PDE4D: variants seen among roughly 807,000 people sequenced by gnomAD.
The protein encoded by PDE4D is 3',5'-cyclic-AMP phosphodiesterase 4D.
A neutral mutation model predicts 87.4 loss-of-function variants in PDE4D; 24 were observed. The observed-to-expected ratio is 0.27, with a 90% CI of 0.20 to 0.39. PDE4D has a LOEUF of 0.39. PDE4D is among the 10% of genes least tolerant of loss of function. PDE4D has a pLI of 1.00. For missense variants in PDE4D, 714 were observed against 1,041.0 expected, an observed-to-expected ratio of 0.69 and a Z score of 4.32; for synonymous variants, 384 against 383.2, an observed-to-expected ratio of 1.00 and a Z score of -0.02.
chr5:59,907,397 A>G (rs1344190953), intron 3 of PDE4D, among the ~76,000 whole-genome samples: 2 of 152,152 alleles, frequency 1.3e-5, no homozygotes, highest in Non-Finnish European at 2.9e-5. Context: ...CGTGGACACA[A>G]AGAAAGAAAC....
At chr5:59,680,022 C>T (rs1177858350) in intron 1 of PDE4D, among the ~76,000 whole-genome samples, 5 of 152,076 alleles carry the variant, frequency 3.3e-5, no homozygotes, top group African/African-American at 4.8e-5. Flanking sequence ...TACACTTTTA[C>T]ATTTGTGTTT....
At chr5:59,596,602 A>C (rs1826718266) in intron 1 of PDE4D, among the ~76,000 whole-genome samples, 1 of 151,972 alleles carries the variant, frequency 6.6e-6, no homozygotes, top group Non-Finnish European at 1.5e-5. Context: ...CTTGACATTG[A>C]CTTTGTTAAG....
At chr5:60,456,679 A>G (rs1329769390) in intron 1 of PDE4D, among the ~76,000 whole-genome samples, 1 of 152,180 alleles carries the variant, frequency 6.6e-6, no homozygotes, top group African/African-American at 2.4e-5. Flanking sequence ...CAGAGAGTAA[A>G]GTTTTTGTCT....
At chr5:59,414,650 C>T (rs1029114356) in intron 1 of PDE4D, among the ~76,000 whole-genome samples, 2 of 152,234 alleles carry the variant, frequency 1.3e-5, no homozygotes, top group Non-Finnish European at 2.9e-5. Context: ...CATTCACTAG[C>T]TCATACAGAA....
intron 5 of PDE4D, chr5:59,179,787 G>C (rs911865636): frequency 3.6e-6 from 1 of 275,882 alleles, no homozygotes; most frequent in Non-Finnish European, 7.1e-6. Flanking sequence ...TTTTCTTCTG[G>C]TAATAATTTT....
intron 1 of PDE4D, among the ~76,000 whole-genome samples, chr5:59,490,392 T>G (rs1393583130): frequency 2.6e-5 from 4 of 152,206 alleles, no homozygotes; most frequent in Non-Finnish European, 5.9e-5. Context: ...TGCTTTCATA[T>G]GCTTTCATCA....
At chr5:60,520,590 G>A (rs759133829) in intron 1 of PDE4D, among the ~76,000 whole-genome samples, 19 of 152,176 alleles carry the variant, frequency 1.2e-4, no homozygotes, top group Non-Finnish European at 2.5e-4. Flanking sequence ...TATGGGTAGT[G>A]GCCCATGGCT....
chr5:59,507,679 A>AAAAAAAAAAAAAAAAAAGAAAAG (rs61334148), intron 1 of PDE4D, among the ~76,000 whole-genome samples: 1 of 118,712 alleles, frequency 8.4e-6, no homozygotes, highest in African/African-American at 3.5e-5. Flanking sequence ...AAAAAAAAAA[A>AAAAAAAAAAAAAAAAAAGAAAAG]AAAAGAAAAG....
chr5:60,481,113 A>G (rs1276494764), intron 1 of PDE4D, among the ~76,000 whole-genome samples: 1 of 152,150 alleles, frequency 6.6e-6, no homozygotes, highest in African/African-American at 2.4e-5. Context: ...TTTCTTAAGT[A>G]GCTTGATTGT....
At chr5:59,758,231 G>A (rs1761524774) in intron 1 of PDE4D, among the ~76,000 whole-genome samples, 1 of 152,144 alleles carries the variant, frequency 6.6e-6, no homozygotes, top group African/African-American at 2.4e-5. Flanking sequence ...CTCAGCAGCT[G>A]CATATGTAAA....
chr5:59,451,934 A>C (rs1038182981), intron 1 of PDE4D, among the ~76,000 whole-genome samples: 6 of 152,192 alleles, frequency 3.9e-5, no homozygotes, highest in African/African-American at 1.4e-4. Context: ...AGTTTCTAAA[A>C]TATGCCTCAT....
intron 1 of PDE4D, among the ~76,000 whole-genome samples, chr5:59,386,136 A>T (rs17782969): frequency 0.087 from 13,269 of 152,202 alleles, 688 homozygotes; most frequent in Middle Eastern, 0.15. Flanking sequence ...TAATATGAAC[A>T]TATGGTCCAT....
At position 58,975,681 on chromosome 5, in the gene PDE4D, G is replaced by A. The variant is rs367990494; in HGVS notation, c.1989C>T (p.His663=). The change falls in exon 14 of 15, where the codon CAC becomes CAT. Residue 663 remains histidine, a synonymous_variant. Coordinates refer to ENST00000340635, the MANE Select transcript of PDE4D (RefSeq NM_001104631.2). The surrounding 1 kb of genome is among the most constrained non-coding windows in gnomAD (Gnocchi z 4.2). ...CCTGTGATTTTTCCACGGAAGCATT[G>A]TGCTTGTCACACATGGGGCTTATCT... The part of the protein sequence containing the change: ...GMEISPMCDK[H]NASVEKSQVG... 71 of 1,609,432 alleles carry A rather than the reference G, an allele frequency of 4.4e-5. No homozygotes were observed. In the African/African-American group the frequency reaches 5.2e-4, roughly 12 times the overall value.
At chr5:59,944,151 C>CAAGTGTGG (rs1484314891) in intron 3 of PDE4D, among the ~76,000 whole-genome samples, 2 of 152,204 alleles carry the variant, frequency 1.3e-5, no homozygotes, top group Non-Finnish European at 2.9e-5. Context: ...GCCGTGGAGT[C>CAAGTGTGG]AAGTGTGGAA....
chr5:59,762,071 A>C (rs576849554), intron 1 of PDE4D, among the ~76,000 whole-genome samples: 2 of 152,126 alleles, frequency 1.3e-5, no homozygotes, highest in Admixed American at 1.3e-4. Context: ...ACATGTGTGT[A>C]CTGTTGAGCA....
chr5:59,824,733 T>G (rs1235292813), intron 1 of PDE4D, among the ~76,000 whole-genome samples: 1 of 152,138 alleles, frequency 6.6e-6, no homozygotes, highest in Non-Finnish European at 1.5e-5. Context: ...CCAGCTCCCC[T>G]CTGGCATCCA....
chr5:59,532,710 A>C (rs1191109776), intron 1 of PDE4D, among the ~76,000 whole-genome samples: 1 of 152,178 alleles, frequency 6.6e-6, no homozygotes, highest in African/African-American at 2.4e-5. Context: ...CACTCCTCAG[A>C]CTTTCAGAAA....
chr5:59,261,299 T>C (rs570514853), intron 1 of PDE4D, among the ~76,000 whole-genome samples: 2 of 151,856 alleles, frequency 1.3e-5, no homozygotes, highest in East Asian at 3.9e-4. Flanking sequence ...CCCTATTTGA[T>C]GTAATGGCCT....
intron 1 of PDE4D, among the ~76,000 whole-genome samples, chr5:60,277,099 T>C (rs1338279536): frequency 2.0e-5 from 3 of 151,870 alleles, no homozygotes; most frequent in African/African-American, 7.2e-5. Flanking sequence ...ACATTTAAGG[T>C]ATATAAAACA....
Sources: allele counts gnomAD v4.1 joint callset (sites outside exome capture counted in the v4.1 genomes callset), GRCh38; gene constraint gnomAD v4.1.1; non-coding constraint Gnocchi (gnomAD v3.1); transcripts MANE v1.5; gene names NCBI Gene and HGNC (gene_info 2026-07-23, HGNC 2026-07-21).